Variants in RIN1 observed in about 807,000 individuals in gnomAD.
The protein encoded by RIN1 is Ras and Rab interactor 1.
In RIN1, 52 loss-of-function variants were observed where a neutral mutation model predicts 64.9. The ratio of observed to expected loss-of-function variants is 0.80; its 90% confidence interval spans 0.64 to 1.01. The LOEUF is 1.01. Ranked by LOEUF, RIN1 falls within the 50% of genes least tolerant of loss-of-function variation. The pLI is 0.00. For synonymous variants in RIN1, 486 were observed against 483.6 expected (o/e 1.00, Z -0.06); for missense variants, 1,040 against 1,064.5 (o/e 0.98, Z 0.32).
intron 6 of RIN1, 86 bp downstream of exon 6, chr11:66,334,428 G>A: frequency 2.0e-6 from 3 of 1,511,348 alleles, no homozygotes; most frequent in Non-Finnish European, 2.7e-6. Context: ...TAAAGCAGCA[G>A]AACAGAATCA....
chr11:66,336,179 C>G, intron 1 of RIN1, 21 bp from the exon 2 acceptor site: 1 of 1,466,424 alleles, frequency 6.8e-7, no homozygotes, highest in South Asian at 1.4e-5. Context: ...GCACCCAGAT[C>G]TGAGCAGGGA....
At chr11:66,333,152 T>G in intron 9 of RIN1, 106 bp downstream of exon 9, 2 of 1,396,462 alleles carry the variant, frequency 1.4e-6, no homozygotes, top group Non-Finnish European at 2.0e-6. Flanking sequence ...AGAGCCAGGA[T>G]TAGAACCCAG....
rs7950463 is a variant in RIN1 at position 66,335,298 on chromosome 11, A to T, written c.548-47T>A. The T allele has an allele frequency of 2.6e-6, 4 of 1,555,662 alleles. No homozygotes were observed. In the African/African-American group the frequency reaches 4.2e-5, roughly 16 times the overall value. On this transcript the variant is annotated intron_variant, in intron 5 of 9. Transcript: ENST00000311320. ...GGGGCCTCCGGGACTGGTTAGGGGA[A>T]GTTTCCCAACCAAGGCAAGGCAGGG...
chr11:66,336,210 C>T (rs779897613), intron 1 of RIN1, 52 bp from the exon 2 acceptor site: 5 of 1,486,874 alleles, frequency 3.4e-6, no homozygotes, highest in South Asian at 1.3e-5. Context: ...GGGACCCTTG[C>T]TCTCCTCTTC....
chr11:66,333,787 G>A lies in RIN1; in HGVS notation c.1592-129C>T, dbSNP rs533786197. 1.5e-3 allele frequency: 2,131 copies of A among 1,423,700 alleles called. 3 individuals carry two copies. The highest frequency in any genetic ancestry group is 1.7e-3 in the Admixed American group (64 of 37,502). The allele number at this position is 1,423,700 out of a possible 1,614,324, so 88.2% of individuals were successfully genotyped here. On this transcript the variant is annotated intron_variant, in intron 7 of 9. Coordinates refer to ENST00000311320, the MANE Select transcript of RIN1 (RefSeq NM_004292.3). ...GCGCTCCTCTCTAGGCCTCAGTTTC[G>A]CCATCTGCAAGAGGGGAGGGTGGGC...
intron 2 of RIN1, 49 bp from the exon 3 acceptor site, chr11:66,335,925 C>G (rs1854883507): frequency 6.7e-7 from 1 of 1,499,608 alleles, no homozygotes; most frequent in Non-Finnish European, 8.9e-7. Flanking sequence ...CGTCCCATCC[C>G]TCTCCCTCCC....
At position 66,334,765 on chromosome 11, in the gene RIN1, G is replaced by A. The variant is rs1386249683; in HGVS notation, c.1034C>T (p.Pro345Leu). 7 of 1,549,066 alleles carry A rather than the reference G, an allele frequency of 4.5e-6. No individual in the cohort carries two copies. Among genetic ancestry groups the A allele is most frequent in the South Asian group, 1.2e-5 (1 of 84,186 alleles). ...ATSPHLGRRRPLLRSMSAAFC... is the reference protein window; with the variant it reads ...ATSPHLGRRRLLLRSMSAAFC... ...GGCGGCGCTCATGGACCGAAGCAGA[G>A]GTCGTCGGCGGCCCAGGTGGGGTGA... The change falls in exon 6 of 10, where the codon CCT becomes CTT. Residue 345 changes from proline to leucine, a missense_variant. By Grantham distance (98) the Pro-to-Leu change is moderately conservative (BLOSUM62 -3). Transcript: ENST00000311320.
chr11:66,334,114 C>T lies in RIN1; in HGVS notation c.1396G>A (p.Ala466Thr), dbSNP rs780519847. The T allele has an allele frequency of 5.8e-5, 90 of 1,552,940 alleles. No homozygotes were observed. Among genetic ancestry groups the T allele is most frequent in the Non-Finnish European group, 3.2e-5 (37 of 1,149,222 alleles). Reference sequence around the variant, plus strand: ...GCCCGGGCCAGGCGGAGGCCCTCAGCTAGGCGGCCCAGGGAGCCGTCTGCG... The same window carrying T: ...GCCCGGGCCAGGCGGAGGCCCTCAGTTAGGCGGCCCAGGGAGCCGTCTGCG... ...LAADGSLGRLAEGLRLARAQG... is the reference protein window; with the variant it reads ...LAADGSLGRLTEGLRLARAQG... The change falls in exon 7 of 10, where the codon GCT (alanine) becomes ACT (threonine). Residue 466 changes from alanine (A) to threonine (T), a missense_variant. Transcript: ENST00000311320.
At position 66,336,123 on chromosome 11, in the gene RIN1, G is replaced by A; in HGVS notation, c.122C>T (p.Ala41Val). 6.9e-7 allele frequency: 1 copy of A among 1,441,758 alleles called. No homozygotes were observed. The highest frequency in any genetic ancestry group is 9.1e-7 in the Non-Finnish European group (1 of 1,099,888). 89.3% of individuals were successfully genotyped at this position (1,441,758 alleles called of 1,614,324 possible). The change falls in exon 2 of 10, where the codon GCC (alanine) becomes GTC (valine). Residue 41 changes from alanine to valine, a missense_variant. Transcript: ENST00000311320. ...AQDPLYDVPN[A>V]SGGQAGGPQR... The stretch of plus-strand genomic sequence containing the variant: ...CGGCCCGCCTGCCTGCCCGCCGCTG[G>A]CATTGGGCACGTCATACAGTGGGTC...
At position 66,331,598 on chromosome 11, in the gene RIN1, G is replaced by A. The variant is rs1397350012; in HGVS notation, c.*678C>T. The A allele has an allele frequency of 1.3e-5, 2 of 152,226 alleles. No individual in the cohort carries two copies. The highest frequency in any genetic ancestry group is 2.4e-5 in the African/African-American group (1 of 41,446). 9.4% of individuals were successfully genotyped at this position (152,226 alleles called of 1,614,324 possible). On this transcript the variant is annotated 3_prime_UTR_variant, in exon 10 of 10. Transcript: ENST00000311320. ...CTGTCTGGCAGAGAGCGGACTCCGG[G>A]AGAGAGTTAGCAGCCCAGCTCTCTC...
At chr11:66,336,261 CCCT>C (rs1256084104) in intron 1 of RIN1, 53 bp downstream of exon 1, 234 of 1,534,206 alleles carry the variant, frequency 1.5e-4, no homozygotes, top group Non-Finnish European at 2.0e-4. Context: ...CCCGGATAGG[CCCT>C]CCTCTCGCAG....
chr11:66,336,539 C>T (rs188283064), upstream of RIN1: 563 of 725,708 alleles, frequency 7.8e-4, 1 homozygote, highest in Middle Eastern at 1.7e-3. Flanking sequence ...CCCTGCCTGG[C>T]CAGTGCCCGC....
At chr11:66,335,287 T>C (rs1295297698) in intron 5 of RIN1, 36 bp from the exon 6 acceptor site, 2 of 1,557,356 alleles carry the variant, frequency 1.3e-6, no homozygotes, top group South Asian at 1.2e-5. Context: ...CCTCCGGGAC[T>C]GGTTAGGGGA....
Position 66,332,036 on chromosome 11 carries a change from G to A in RIN1, c.*240C>T. 1 of 570,542 alleles carries A rather than the reference G, an allele frequency of 1.8e-6. No individual in the cohort carries two copies. Among genetic ancestry groups the A allele is most frequent in the Non-Finnish European group, 3.1e-6 (1 of 320,696 alleles). The allele number at this position is 570,542 out of a possible 1,614,324, so 35.3% of individuals were successfully genotyped here. On this transcript the variant is annotated 3_prime_UTR_variant, in exon 10 of 10. Transcript: ENST00000311320. The stretch of plus-strand genomic sequence containing the variant: ...ATTGCAGGCTGGCTCACCCTCAGCT[G>A]GGGGAGAAGAACAAGAGGCAAGGGG...
upstream of RIN1, chr11:66,336,716 C>T (rs146897394): frequency 2.2e-4 from 78 of 361,462 alleles, 1 homozygote; most frequent in African/African-American, 1.3e-3. Flanking sequence ...CCTCAGTCCC[C>T]ACAGGCCCCA....
rs1467181729 is a variant in RIN1 at position 66,332,433 on chromosome 11, C to G, written c.2195G>C (p.Gly732Ala). The G allele has an allele frequency of 1.2e-6, 2 of 1,614,190 alleles. No individual in the cohort carries two copies. The highest frequency in any genetic ancestry group is 3.3e-5 in the Admixed American group (2 of 60,016). Residue 732 changes from glycine to alanine, a missense_variant, in exon 10 of 10, where the codon GGG becomes GCG. By Grantham distance (60) the Gly-to-Ala change is moderately conservative. Coordinates refer to ENST00000311320, the MANE Select transcript of RIN1 (RefSeq NM_004292.3). ...CCCAGCATCCCCATCTCCCTGGCAC[C>G]CTTGCTCCTCCCCTCTGCTTCTTGC... is the stretch of plus-strand genomic sequence containing the variant. Reference protein sequence around the residue: ...SEARSRGEEQGCQGDGDAGVK... With the variant: ...SEARSRGEEQACQGDGDAGVK...
intron 3 of RIN1, 31 bp downstream of exon 3, chr11:66,335,731 C>T: frequency 1.2e-6 from 2 of 1,612,264 alleles, no homozygotes; most frequent in East Asian, 2.2e-5. Flanking sequence ...CTCCCTGCTT[C>T]CAGCCCCTTC....
chr11:66,334,649 G>A lies in RIN1; in HGVS notation c.1150C>T (p.Gln384Ter), dbSNP rs1456417492. Reference sequence around the variant, plus strand: ...GCCCGCACCTGGGTCAGTAGGTCCTGCACCAGCTGGCCCGCGGCTGTGTGT... The same window carrying A: ...GCCCGCACCTGGGTCAGTAGGTCCTACACCAGCTGGCCCGCGGCTGTGTGT... ...DRHTAAGQLV[Q>*]DLLTQVRAGP... The change falls in exon 6 of 10, where the codon CAG (glutamine) becomes TAG (stop). Residue 384 changes from glutamine (Q) to a stop codon, truncating the protein, a stop_gained. Transcript: ENST00000311320. LOFTEE classifies it high-confidence loss of function. The A allele has an allele frequency of 6.4e-7, 1 of 1,568,772 alleles. No homozygotes were observed.
At position 66,332,480 on chromosome 11, in the gene RIN1, CT is replaced by C; in HGVS notation, c.2147del (p.Glu716GlyfsTer90). The C allele has an allele frequency of 6.2e-7, 1 of 1,614,194 alleles. No homozygotes were observed. The highest frequency in any genetic ancestry group is 8.5e-7 in the Non-Finnish European group (1 of 1,180,024). On this transcript the variant is annotated frameshift_variant, in exon 10 of 10. Transcript: ENST00000311320. LOFTEE classifies it high-confidence loss of function. The stretch of plus-strand genomic sequence containing the variant: ...TTGCCTCTGACTGCCCACTGCCCTC[CT>C]CCTCTGTCACAGCCCCCTGGGTCTC... ...WPETQGAVTE[E>X]EGSGQSEARS...
Sources: allele counts gnomAD v4.1 joint callset, GRCh38; gene constraint gnomAD v4.1.1; transcripts MANE v1.5; gene names NCBI Gene and HGNC (gene_info 2026-07-23, HGNC 2026-07-21).